The following HMBOX1 variants were observed in gnomAD, a reference collection of about 807,000 sequenced individuals.
HMBOX1 encodes homeobox-containing protein 1.
HMBOX1 carries 14 observed loss-of-function variants against 54.5 expected under a neutral mutation model. That is an observed-to-expected ratio of 0.26 (90% confidence interval 0.17 to 0.40). HMBOX1 has a LOEUF of 0.40. Among genes scored for constraint, HMBOX1 ranks in the 10% least tolerant of loss-of-function variants. The pLI, the probability that HMBOX1 is intolerant of heterozygous loss-of-function variation, is 1.00. For missense variants in HMBOX1, 332 were observed against 514.4 expected (o/e 0.65, Z 3.43); for synonymous variants, 160 against 181.0 (o/e 0.88, Z 0.93).
chr8:28,897,528 T>G (rs1365895673), intron 1 of HMBOX1, among the ~76,000 whole-genome samples: 1 of 151,658 alleles, frequency 6.6e-6, no homozygotes, highest in Non-Finnish European at 1.5e-5. Flanking sequence ...TACAAAAATA[T>G]AGCCGGGCGT....
At chr8:29,021,989 T>TGGGC (rs59011652) in intron 6 of HMBOX1, among the ~76,000 whole-genome samples, 64,804 of 151,808 alleles carry the variant, frequency 0.43, 15,137 homozygotes, top group Non-Finnish European at 0.53. Flanking sequence ...TTATATTGAT[T>TGGGC]GGGCTGTAGA....
chr8:28,901,036 G>T (rs952616424), intron 1 of HMBOX1, among the ~76,000 whole-genome samples: 2 of 152,010 alleles, frequency 1.3e-5, no homozygotes, highest in Non-Finnish European at 2.9e-5. Flanking sequence ...TGTAAACTGG[G>T]CATAGATAAA....
At chr8:28,908,615 C>G (rs1035025289) in intron 1 of HMBOX1, among the ~76,000 whole-genome samples, 1 of 152,048 alleles carries the variant, frequency 6.6e-6, no homozygotes, top group African/African-American at 2.4e-5. Flanking sequence ...ATTAGCCGGG[C>G]ATGGTGGCGC....
intron 1 of HMBOX1, among the ~76,000 whole-genome samples, chr8:28,911,333 G>A (rs1815369900): frequency 6.6e-6 from 1 of 152,188 alleles, no homozygotes; most frequent in African/African-American, 2.4e-5. Context: ...ACTGTTGCTT[G>A]CTTACTGCTG....
intron 1 of HMBOX1, among the ~76,000 whole-genome samples, chr8:28,939,542 T>C (rs1004283692): frequency 2.6e-5 from 4 of 151,988 alleles, no homozygotes; most frequent in African/African-American, 9.7e-5. Context: ...AGTCTTGCTC[T>C]TGTCGCCCAG....
chr8:28,940,803 T>G (rs1391645526), intron 1 of HMBOX1, among the ~76,000 whole-genome samples: 1 of 152,160 alleles, frequency 6.6e-6, no homozygotes, highest in Non-Finnish European at 1.5e-5. Context: ...GAGCATCAAA[T>G]GAGAAAAGTG....
chr8:28,958,429 T>C (rs573107939), intron 1 of HMBOX1, among the ~76,000 whole-genome samples: 6 of 152,352 alleles, frequency 3.9e-5, no homozygotes, highest in African/African-American at 1.2e-4. Context: ...TGTTTACTTA[T>C]AAAGGATTTA....
intron 1 of HMBOX1, among the ~76,000 whole-genome samples, chr8:28,951,128 A>G (rs1823341930): frequency 6.6e-6 from 1 of 152,166 alleles, no homozygotes; most frequent in Non-Finnish European, 1.5e-5. Context: ...GTTACGTTCC[A>G]GATAATATTT....
intron 4 of HMBOX1, among the ~76,000 whole-genome samples, chr8:28,988,344 G>T (rs1830455185): frequency 6.6e-6 from 1 of 152,186 alleles, no homozygotes. Flanking sequence ...ATGGACATTT[G>T]GATTGTTTCC....
In HMBOX1 at chr8:28,970,945, G is replaced by A. The variant is rs1237761127; in HGVS notation, c.500+426G>A. Among the ~76,000 whole-genome samples the A allele has an allele frequency of 6.8e-6, 1 of 147,858 alleles. No homozygotes were observed. Among genetic ancestry groups the A allele is most frequent in the African/African-American group, 2.5e-5 (1 of 40,090 alleles). On this transcript the variant is annotated intron_variant, in intron 3 of 9. Transcript: ENST00000287701. This position sits in a 1 kb window ranked among gnomAD's most constrained non-coding sequence, Gnocchi z 4.3. ...ATTCCAATCAAGAAAATAATTTGGG[G>A]TACCTATTATATAGGTTCTAATTTT...
chr8:28,924,913 CTT>C (rs368684931), intron 1 of HMBOX1, among the ~76,000 whole-genome samples: 4 of 126,360 alleles, frequency 3.2e-5, no homozygotes, highest in African/African-American at 5.8e-5. Context: ...CGCCCAGCCT[CTT>C]TTTTTTTTTT....
chr8:29,052,455 G>T lies in HMBOX1; in HGVS notation c.*1300G>T, dbSNP rs1806528110. 6.6e-6 allele frequency: 1 copy of T among 152,152 alleles called. No individual in the cohort carries two copies. The highest frequency in any genetic ancestry group is 1.5e-5 in the Non-Finnish European group (1 of 68,020). 9.4% of individuals were successfully genotyped at this position (152,152 alleles called of 1,614,324 possible). A position where few individuals can be genotyped will look rare whatever the true frequency, so the allele number is the denominator to read the frequency against. ...TGTAAAGTTTAATCTACTTTAAGCGGCAGTAACTAATGGAATTTTTTTCCT... is the reference window on the plus strand; with the variant it reads ...TGTAAAGTTTAATCTACTTTAAGCGTCAGTAACTAATGGAATTTTTTTCCT... On this transcript the variant is annotated 3_prime_UTR_variant, in exon 10 of 10. Transcript: ENST00000287701.
intron 1 of HMBOX1, among the ~76,000 whole-genome samples, chr8:28,937,155 C>T (rs1820553717): frequency 6.6e-6 from 1 of 152,146 alleles, no homozygotes; most frequent in Admixed American, 6.5e-5. Context: ...GACTTATAAA[C>T]TGGTTCTAGT....
At chr8:29,020,444 T>C (rs1341922825) in intron 6 of HMBOX1, among the ~76,000 whole-genome samples, 6 of 152,210 alleles carry the variant, frequency 3.9e-5, no homozygotes, top group Non-Finnish European at 7.4e-5. Context: ...GGGATTCTTA[T>C]TTTCCTTGGC....
At chr8:28,905,383 A>C (rs1814123032) in intron 1 of HMBOX1, among the ~76,000 whole-genome samples, 1 of 152,236 alleles carries the variant, frequency 6.6e-6, no homozygotes, top group Non-Finnish European at 1.5e-5. Context: ...GCAGAGAGAG[A>C]GAGAGAAGCA....
chr8:28,990,252 T>C (rs528302609), intron 4 of HMBOX1, among the ~76,000 whole-genome samples: 36 of 152,324 alleles, frequency 2.4e-4, no homozygotes, highest in African/African-American at 8.2e-4. Context: ...ATTCTTACCT[T>C]GTTCCCAGTC....
intron 4 of HMBOX1, among the ~76,000 whole-genome samples, chr8:28,986,140 C>G (rs902889580): frequency 6.6e-6 from 1 of 152,176 alleles, no homozygotes; most frequent in Non-Finnish European, 1.5e-5. Context: ...TTTTGCCTTT[C>G]CAGAATGTCA....
intron 2 of HMBOX1, among the ~76,000 whole-genome samples, chr8:28,968,697 GC>G (rs1196192604): frequency 6.6e-6 from 1 of 152,158 alleles, no homozygotes; most frequent in African/African-American, 2.4e-5. Flanking sequence ...TAGGACACTG[GC>G]CCAGAGCAGA....
intron 1 of HMBOX1, among the ~76,000 whole-genome samples, chr8:28,893,852 A>G (rs903047214): frequency 1.3e-5 from 2 of 152,166 alleles, no homozygotes; most frequent in Admixed American, 6.5e-5. Flanking sequence ...CACATCCCAC[A>G]TTTAGGGCTC....
Sources: allele counts gnomAD v4.1 joint callset (sites outside exome capture counted in the v4.1 genomes callset), GRCh38; gene constraint gnomAD v4.1.1; non-coding constraint Gnocchi (gnomAD v3.1); transcripts MANE v1.5; gene names NCBI Gene and HGNC (gene_info 2026-07-23, HGNC 2026-07-21).